Variants in RMST observed in about 807,000 individuals in gnomAD.
RMST encodes long intergenic non-protein coding RNA 54.
At chr12:97,475,318 AT>A (rs977267340) in intron 5 of RMST, among the ~76,000 whole-genome samples, 4 of 152,162 alleles carry the variant, frequency 2.6e-5, no homozygotes, top group Admixed American at 2.6e-4. Context: ...AGAGAGGGTG[AT>A]TGGAACACAG....
intron 5 of RMST, among the ~76,000 whole-genome samples, chr12:97,482,807 A>ATAAATTTATATTATTTATTTAT (rs1875574768): frequency 3.6e-5 from 5 of 140,324 alleles, no homozygotes; most frequent in African/African-American, 1.4e-4. Context: ...TATTTATTAA[A>ATAAATTTATATTATTTATTTAT]TAAATTTATA....
At chr12:97,468,656 A>G (rs1454485582) in intron 5 of RMST, among the ~76,000 whole-genome samples, 1 of 152,030 alleles carries the variant, frequency 6.6e-6, no homozygotes, top group Non-Finnish European at 1.5e-5. Flanking sequence ...GTGGTCAGGA[A>G]CATATGGTTT....
chr12:97,485,506 T>C (rs1875983651), intron 5 of RMST, among the ~76,000 whole-genome samples: 1 of 152,218 alleles, frequency 6.6e-6, no homozygotes, highest in South Asian at 2.1e-4. Flanking sequence ...TTCCTCTAGA[T>C]TTCTGTTTGA....
intron 10 of RMST, among the ~76,000 whole-genome samples, chr12:97,507,295 A>T (rs540723576): frequency 2.6e-5 from 4 of 151,416 alleles, no homozygotes; most frequent in African/African-American, 9.7e-5. Flanking sequence ...TTTAAAAAAA[A>T]AAAGATGGCT....
intron 9 of RMST, among the ~76,000 whole-genome samples, chr12:97,495,176 T>TC (rs576192717): frequency 2.7e-5 from 4 of 146,548 alleles, no homozygotes; most frequent in South Asian, 2.2e-4. Flanking sequence ...ATTATTCTTA[T>TC]GGGGGGGGAG....
intron 10 of RMST, among the ~76,000 whole-genome samples, chr12:97,528,274 T>G (rs1881305711): frequency 6.6e-6 from 1 of 152,180 alleles, no homozygotes; most frequent in Non-Finnish European, 1.5e-5. Context: ...GTATTCTGCT[T>G]TTTAAATTCA....
intron 10 of RMST, among the ~76,000 whole-genome samples, chr12:97,497,651 C>T (rs1056585056): frequency 1.6e-4 from 24 of 150,206 alleles, no homozygotes; most frequent in Non-Finnish European, 3.2e-4. Context: ...AATGAAGATA[C>T]GATTTAGAGA....
intron 10 of RMST, among the ~76,000 whole-genome samples, chr12:97,513,185 C>T (rs1879594275): frequency 6.6e-6 from 1 of 152,202 alleles, no homozygotes; most frequent in South Asian, 2.1e-4. Context: ...AAGGGGCTCC[C>T]ACAGTGCAGT....
chr12:97,464,631 C>T (rs1872958556), intron 4 of RMST, among the ~76,000 whole-genome samples: 1 of 152,098 alleles, frequency 6.6e-6, no homozygotes, highest in Admixed American at 6.6e-5. Context: ...GCTTTCACAC[C>T]AGTGGAGATG....
chr12:97,499,346 T>A (rs1877809647), intron 10 of RMST, among the ~76,000 whole-genome samples: 1 of 152,202 alleles, frequency 6.6e-6, no homozygotes, highest in African/African-American at 2.4e-5. Context: ...CATATCCGAC[T>A]ATTTTTCTGA....
chr12:97,486,697 G>A (rs539539985), intron 5 of RMST, among the ~76,000 whole-genome samples: 1 of 152,314 alleles, frequency 6.6e-6, no homozygotes, highest in Admixed American at 6.5e-5. Flanking sequence ...AATAGAGGGT[G>A]ATTGGGAGAA....
chr12:97,464,157 C>G (rs1464471061), intron 4 of RMST, among the ~76,000 whole-genome samples: 2 of 152,070 alleles, frequency 1.3e-5, no homozygotes, highest in Admixed American at 1.3e-4. Flanking sequence ...AATTCTTTGT[C>G]ACAAAAATGA....
intron 10 of RMST, among the ~76,000 whole-genome samples, chr12:97,497,590 C>G (rs914811765): frequency 6.6e-6 from 1 of 152,040 alleles, no homozygotes; most frequent in South Asian, 2.1e-4. Flanking sequence ...TGAGGCCTTA[C>G]GTTTGTTTAG....
intron 11 of RMST, among the ~76,000 whole-genome samples, chr12:97,535,005 C>T (rs567766216): frequency 1.3e-5 from 2 of 151,644 alleles, no homozygotes; most frequent in East Asian, 3.9e-4. Context: ...AAGTGGCAGA[C>T]TCAAGGATTT....
intron 5 of RMST, among the ~76,000 whole-genome samples, chr12:97,468,884 C>A (rs1351544486): frequency 6.6e-6 from 1 of 151,944 alleles, no homozygotes. Context: ...TCAGTGCCTA[C>A]CGTGTGCCAG....
At chr12:97,560,224 C>T (rs1221368546) in intron 11 of RMST, among the ~76,000 whole-genome samples, 1 of 152,082 alleles carries the variant, frequency 6.6e-6, no homozygotes, top group Admixed American at 6.5e-5. Flanking sequence ...GAACAAAACA[C>T]GTTCATAATT....
intron 11 of RMST, among the ~76,000 whole-genome samples, chr12:97,540,949 T>C (rs1018663526): frequency 9.9e-6 from 1 of 101,420 alleles, no homozygotes; most frequent in African/African-American, 7.4e-5. Flanking sequence ...TAGATAGATA[T>C]AGATATAGAT....
chr12:97,557,048 T>C (rs1356107704), intron 11 of RMST, among the ~76,000 whole-genome samples: 4 of 152,204 alleles, frequency 2.6e-5, no homozygotes, highest in Non-Finnish European at 4.4e-5. Context: ...TAAAATAGAA[T>C]ACACCAAGTT....
intron 10 of RMST, among the ~76,000 whole-genome samples, chr12:97,507,669 G>A (rs1878850577): frequency 6.9e-6 from 1 of 145,842 alleles, no homozygotes; most frequent in African/African-American, 2.5e-5. Flanking sequence ...AATCCTGGTG[G>A]AGATCTCCAG....
Sources: gnomAD v4.1 joint callset for allele counts (sites outside exome capture counted in the v4.1 genomes callset) on GRCh38, gnomAD v4.1.1 for gene constraint, MANE v1.5 for transcripts, NCBI Gene and HGNC (gene_info 2026-07-23, HGNC 2026-07-21) for gene names.